The following MRPL48 variants were observed in gnomAD, a reference collection of about 807,000 sequenced individuals.
The protein encoded by MRPL48 is mitochondrial ribosomal protein L48, also known as large ribosomal subunit protein mL48.
In MRPL48, 16 loss-of-function variants were observed where a neutral mutation model predicts 32.9. The observed-to-expected ratio is 0.49, with a 90% CI of 0.33 to 0.74. The LOEUF is 0.74. Among genes scored for constraint, MRPL48 ranks in the 30% least tolerant of loss-of-function variants. The pLI is 0.02. For missense variants in MRPL48, 206 were observed against 245.3 expected, an observed-to-expected ratio of 0.84 and a Z score of 1.07; for synonymous variants, 94 against 89.2, an observed-to-expected ratio of 1.05 and a Z score of -0.31.
intron 1 of MRPL48, among the ~76,000 whole-genome samples, chr11:73,790,496 T>C (rs1262305808): frequency 4.0e-5 from 6 of 148,326 alleles, no homozygotes; most frequent in Non-Finnish European, 7.4e-5. Flanking sequence ...GCCATTCTTC[T>C]GCCTCAGCCT....
intron 1 of MRPL48, among the ~76,000 whole-genome samples, chr11:73,794,079 C>T (rs1021896484): frequency 6.6e-6 from 1 of 151,766 alleles, no homozygotes; most frequent in South Asian, 2.1e-4. Flanking sequence ...CCCAGCTACT[C>T]GGGAGGCTGA....
At chr11:73,817,869 A>G (rs568726322) in intron 3 of MRPL48, 26 of 344,184 alleles carry the variant, frequency 7.6e-5, no homozygotes, top group South Asian at 5.2e-4. Flanking sequence ...CAGTGGCATG[A>G]TCATAGCTCC....
intron 6 of MRPL48, among the ~76,000 whole-genome samples, chr11:73,860,961 T>C (rs1297941562): frequency 6.6e-6 from 1 of 152,228 alleles, no homozygotes; most frequent in Admixed American, 6.5e-5. Context: ...GTACATTAAA[T>C]GGCCTTTTGT....
intron 3 of MRPL48, among the ~76,000 whole-genome samples, chr11:73,816,567 C>T (rs1190656107): frequency 2.0e-5 from 3 of 151,824 alleles, no homozygotes; most frequent in Non-Finnish European, 1.5e-5. Flanking sequence ...CCGGTTCAAG[C>T]GATTCTCCCG....
chr11:73,794,208 C>CTATG (rs1947205666), intron 1 of MRPL48, among the ~76,000 whole-genome samples: 1 of 150,416 alleles, frequency 6.6e-6, no homozygotes, highest in Admixed American at 6.7e-5. Context: ...ATCTATCTAT[C>CTATG]TATCTATCTA....
At chr11:73,804,001 C>T (rs543397935) in intron 1 of MRPL48, among the ~76,000 whole-genome samples, 9 of 152,210 alleles carry the variant, frequency 5.9e-5, no homozygotes, top group Middle Eastern at 3.4e-3. Flanking sequence ...CTCACTGCAA[C>T]CTCCGCCTCC....
chr11:73,839,727 A>G (rs1473918896), intron 4 of MRPL48, among the ~76,000 whole-genome samples: 1 of 152,202 alleles, frequency 6.6e-6, no homozygotes, highest in Non-Finnish European at 1.5e-5. Context: ...GTAGGCAAAG[A>G]TTTCTTAAAC....
intron 3 of MRPL48, among the ~76,000 whole-genome samples, chr11:73,822,368 AG>A (rs900187757): frequency 1.3e-5 from 2 of 152,156 alleles, no homozygotes; most frequent in African/African-American, 2.4e-5. Context: ...TAAAGTACTT[AG>A]TACACCGTAA....
chr11:73,818,951 G>T (rs770669757), intron 3 of MRPL48, among the ~76,000 whole-genome samples: 4 of 152,132 alleles, frequency 2.6e-5, no homozygotes, highest in Non-Finnish European at 5.9e-5. Flanking sequence ...TGAAACCCTG[G>T]GGTTTTGTGT....
chr11:73,851,549 G>A (rs1284575874), intron 5 of MRPL48, among the ~76,000 whole-genome samples: 1 of 152,138 alleles, frequency 6.6e-6, no homozygotes, highest in African/African-American at 2.4e-5. Context: ...CAGAGAGTTG[G>A]TTCCTCTTTC....
rs189918932 is a variant in MRPL48, at chr11:73,821,229, A to G, written c.113-4479A>G. Among the ~76,000 whole-genome samples the G allele has an allele frequency of 2.6e-4, 40 of 152,092 alleles. No homozygotes were observed. The East Asian group carries it at 5.6e-3, about 21-fold the overall frequency. ...CAGCTGGTCTTAAACTCCTGGCCTCAAGTGATCCTCCTGCCTCAGCCTCCC... is the reference window on the plus strand; with the variant it reads ...CAGCTGGTCTTAAACTCCTGGCCTCGAGTGATCCTCCTGCCTCAGCCTCCC... On this transcript the variant is annotated intron_variant, in intron 3 of 7. Coordinates refer to ENST00000310614, the MANE Select transcript of MRPL48 (RefSeq NM_016055.6).
intron 3 of MRPL48, among the ~76,000 whole-genome samples, chr11:73,818,517 T>C (rs1477305636): frequency 1.3e-5 from 2 of 152,210 alleles, no homozygotes; most frequent in Non-Finnish European, 2.9e-5. Flanking sequence ...TCATTGCAGA[T>C]TGTTTTGGTA....
chr11:73,798,659 T>C (rs1947303077), intron 1 of MRPL48, among the ~76,000 whole-genome samples: 1 of 152,036 alleles, frequency 6.6e-6, no homozygotes, highest in Non-Finnish European at 1.5e-5. Flanking sequence ...GATGGATCAT[T>C]ATAGACAGAG....
At chr11:73,789,002 C>G (rs1372798334) in intron 1 of MRPL48, among the ~76,000 whole-genome samples, 1 of 152,152 alleles carries the variant, frequency 6.6e-6, no homozygotes, top group African/African-American at 2.4e-5. Context: ...TTCCATGATT[C>G]ATAGGTCAGC....
chr11:73,791,066 T>C (rs909537381), intron 1 of MRPL48, among the ~76,000 whole-genome samples: 14 of 151,654 alleles, frequency 9.2e-5, no homozygotes, highest in African/African-American at 3.4e-4. Context: ...TTGTATTTTT[T>C]GTAGAGACAG....
At chr11:73,806,776 T>G (rs1357959254) in intron 2 of MRPL48, among the ~76,000 whole-genome samples, 1 of 152,100 alleles carries the variant, frequency 6.6e-6, no homozygotes, top group Non-Finnish European at 1.5e-5. Flanking sequence ...GTTGTTTTAA[T>G]ATGATGGAGC....
intron 6 of MRPL48, 112 bp from the exon 7 acceptor site, chr11:73,863,060 C>G: frequency 1.1e-6 from 1 of 911,968 alleles, no homozygotes. Context: ...ATCTTCCACG[C>G]TTGGGCTCTC....
At chr11:73,852,390 T>C (rs1201381012) in intron 5 of MRPL48, among the ~76,000 whole-genome samples, 1 of 50,146 alleles carries the variant, frequency 2.0e-5, no homozygotes, top group East Asian at 4.2e-4. Flanking sequence ...AACAACTCTA[T>C]AGCAAAAAAA....
chr11:73,800,748 C>T (rs965833902), intron 1 of MRPL48, among the ~76,000 whole-genome samples: 44 of 151,628 alleles, frequency 2.9e-4, no homozygotes, highest in Admixed American at 5.9e-4. Flanking sequence ...CAGAGCTGAC[C>T]GGGAGAGTTC....
Sources: allele counts gnomAD v4.1 joint callset (sites outside exome capture counted in the v4.1 genomes callset), GRCh38; gene constraint gnomAD v4.1.1; transcripts MANE v1.5; gene names NCBI Gene and HGNC (gene_info 2026-07-23, HGNC 2026-07-21).